The following NNT variants were observed in gnomAD, a reference collection of about 807,000 sequenced individuals.
The protein encoded by NNT is nicotinamide nucleotide transhydrogenase.
NNT carries 50 observed loss-of-function variants against 104.8 expected under a neutral mutation model. That is an observed-to-expected ratio of 0.48 (90% CI 0.38 to 0.60). NNT has a LOEUF of 0.60. NNT is among the 20% of genes least tolerant of loss of function. The probability of loss-of-function intolerance (pLI) is 0.00; values close to 1 mark genes in which losing one functional copy is unlikely to be tolerated. For synonymous variants in NNT, 461 were observed against 490.4 expected (o/e 0.94, Z 0.79); for missense variants, 1,131 against 1,330.7 (o/e 0.85, Z 2.33).
chr5:43,694,537 T>A (rs1181619945), intron 19 of NNT, among the ~76,000 whole-genome samples: 1 of 152,194 alleles, frequency 6.6e-6, no homozygotes, highest in African/African-American at 2.4e-5. Context: ...ATTGAGATAA[T>A]CATGTGGTTT....
At chr5:43,618,508 T>G (rs1461682536) in intron 4 of NNT, among the ~76,000 whole-genome samples, 2 of 152,192 alleles carry the variant, frequency 1.3e-5, no homozygotes, top group Admixed American at 1.3e-4. Flanking sequence ...TTTTAAGGAT[T>G]TTCCCCCCAT....
intron 19 of NNT, among the ~76,000 whole-genome samples, chr5:43,688,255 A>G (rs945024093): frequency 5.9e-5 from 9 of 152,132 alleles, no homozygotes; most frequent in Non-Finnish European, 1.3e-4. Flanking sequence ...GGTCATTATA[A>G]GAGGGAGGCA....
At chr5:43,703,879 C>T (rs1323470281) in intron 21 of NNT, among the ~76,000 whole-genome samples, 1 of 152,138 alleles carries the variant, frequency 6.6e-6, no homozygotes, top group African/African-American at 2.4e-5. Context: ...GTAGTGGAAA[C>T]TTATGCACTA....
intron 19 of NNT, among the ~76,000 whole-genome samples, chr5:43,693,798 A>G (rs1742413758): frequency 6.6e-6 from 1 of 152,248 alleles, no homozygotes; most frequent in African/African-American, 2.4e-5. Context: ...ACCTGCATTA[A>G]GATGGTGAGG....
In NNT at chr5:43,612,420, A is replaced by G. The variant is rs189621798; in HGVS notation, c.152-488A>G. ...CTTAAGATACAACACTTAGAAATTT[A>G]TGAGGCATTGTGTGTGGCCAAATTG... is the stretch of plus-strand genomic sequence containing the variant. On this transcript the variant is annotated intron_variant, in intron 2 of 21. Coordinates refer to ENST00000344920, the MANE Select transcript of NNT (RefSeq NM_182977.3). 2.5e-3 allele frequency among the ~76,000 whole-genome samples: 376 copies of G among 152,332 alleles called. 4 individuals are homozygous for G. Among genetic ancestry groups the G allele is most frequent in the Non-Finnish European group, 6.9e-4 (47 of 68,034 alleles).
intron 3 of NNT, chr5:43,613,395 T>C: frequency 2.6e-6 from 1 of 379,196 alleles, no homozygotes; most frequent in Non-Finnish European, 4.8e-6. Context: ...CATTTTCTTT[T>C]AATTGGCTAG....
chr5:43,633,069 C>A (rs1421872983), intron 7 of NNT, among the ~76,000 whole-genome samples: 1 of 152,168 alleles, frequency 6.6e-6, no homozygotes, highest in Non-Finnish European at 1.5e-5. Flanking sequence ...TCCCGTTTCC[C>A]ACCTCAGGTC....
chr5:43,668,166 G>A (rs1227146724), intron 17 of NNT, among the ~76,000 whole-genome samples: 1 of 151,546 alleles, frequency 6.6e-6, no homozygotes, highest in Non-Finnish European at 1.5e-5. Flanking sequence ...GTAGATTCTG[G>A]ATATTAGCCC....
intron 2 of NNT, among the ~76,000 whole-genome samples, chr5:43,611,978 T>TA (rs1213601733): frequency 6.6e-6 from 1 of 152,184 alleles, no homozygotes; most frequent in Non-Finnish European, 1.5e-5. Context: ...GAGGGTTTGC[T>TA]ATGTGGATTC....
chr5:43,607,346 G>T (rs557302477), intron 1 of NNT, among the ~76,000 whole-genome samples: 17 of 152,312 alleles, frequency 1.1e-4, no homozygotes, highest in Admixed American at 9.8e-4. Context: ...AATTGACCTT[G>T]TGACATTCCT....
chr5:43,655,319 A>G (rs1739982945), intron 14 of NNT, among the ~76,000 whole-genome samples: 2 of 152,190 alleles, frequency 1.3e-5, no homozygotes, highest in Non-Finnish European at 2.9e-5. Flanking sequence ...TGTGTGGAGA[A>G]AAACTGCTGT....
At chr5:43,670,862 T>C (rs930784671) in intron 17 of NNT, among the ~76,000 whole-genome samples, 2 of 152,212 alleles carry the variant, frequency 1.3e-5, no homozygotes, top group East Asian at 3.8e-4. Context: ...CTCATTGAGC[T>C]GTCTAATGTT....
intron 17 of NNT, among the ~76,000 whole-genome samples, chr5:43,665,312 G>A (rs979421060): frequency 8.6e-5 from 13 of 151,744 alleles, no homozygotes; most frequent in Non-Finnish European, 1.6e-4. Flanking sequence ...TAGGACAATA[G>A]TGGAGGGAAG....
intron 17 of NNT, among the ~76,000 whole-genome samples, chr5:43,663,759 T>C (rs946487965): frequency 6.6e-6 from 1 of 152,222 alleles, no homozygotes; most frequent in African/African-American, 2.4e-5. Context: ...GTAGGAAATA[T>C]TATTCTCATT....
At chr5:43,653,256 C>G (rs745860991) in intron 14 of NNT, 43 bp downstream of exon 14, 1 of 1,525,342 alleles carries the variant, frequency 6.6e-7, no homozygotes, top group Non-Finnish European at 8.9e-7. Context: ...ACTCCAGTTT[C>G]TCAATATATA....
At chr5:43,638,272 T>C (rs1751044301) in intron 7 of NNT, among the ~76,000 whole-genome samples, 1 of 152,112 alleles carries the variant, frequency 6.6e-6, no homozygotes, top group South Asian at 2.1e-4. Context: ...GGCCAGCAAT[T>C]TATAGCAGCG....
In NNT at chr5:43,675,579, A is replaced by G. The variant is rs1478262070; in HGVS notation, c.2703A>G (p.Lys901=). The stretch of plus-strand genomic sequence containing the variant: ...GCACCACTTCAACAGCTGGTGGAAA[A>G]CCCATGGAAATTTCTGGCACACATA... ...GYGTTSTAGG[K]PMEISGTHTE... Residue 901 remains lysine (K), a synonymous_variant, in exon 18 of 22, where the codon AAA becomes AAG. Coordinates refer to ENST00000344920, the MANE Select transcript of NNT (RefSeq NM_182977.3). 6.2e-7 allele frequency: 1 copy of G among 1,613,674 alleles called. No homozygotes were observed. Among genetic ancestry groups the G allele is most frequent in the Non-Finnish European group, 8.5e-7 (1 of 1,179,938 alleles).
chr5:43,693,803 G>A (rs769568032), intron 19 of NNT, among the ~76,000 whole-genome samples: 14 of 152,174 alleles, frequency 9.2e-5, no homozygotes, highest in African/African-American at 3.4e-4. Context: ...CATTAAGATG[G>A]TGAGGTTGGA....
intron 2 of NNT, among the ~76,000 whole-genome samples, chr5:43,610,390 AGCTGTAAGGGAGACTTGGACATTTT>A (rs1243573854): frequency 4.6e-5 from 7 of 152,030 alleles, no homozygotes; most frequent in Non-Finnish European, 1.0e-4. Context: ...TCAGACATGT[AGCTGTAAGGGAGACTTGGACATTTT>A]GCTGTAAGGG....
Sources: gnomAD v4.1 joint callset for allele counts (sites outside exome capture counted in the v4.1 genomes callset) on GRCh38, gnomAD v4.1.1 for gene constraint, MANE v1.5 for transcripts, NCBI Gene and HGNC (gene_info 2026-07-23, HGNC 2026-07-21) for gene names.